GRIN2A: variants seen among roughly 807,000 people sequenced by gnomAD.
GRIN2A encodes glutamate receptor ionotropic, NMDA 2A.
In GRIN2A, 22 loss-of-function variants were observed where a neutral mutation model predicts 113.4. That is an observed-to-expected ratio of 0.19 (90% CI 0.14 to 0.28). The LOEUF is 0.28. GRIN2A is among the 10% of genes least tolerant of loss of function. The pLI is 1.00. For synonymous variants in GRIN2A, 827 were observed against 738.4 expected (o/e 1.12, Z -1.94); for missense variants, 1,502 against 1,887.0 (o/e 0.80, Z 3.78).
chr16:9,957,773 T>A lies in GRIN2A; in HGVS notation c.415-19222A>T, dbSNP rs111606282. Among the ~76,000 whole-genome samples, 1,336 of 152,226 alleles carry A rather than the reference T, an allele frequency of 8.8e-3. 30 individuals are homozygous for A. The highest frequency in any genetic ancestry group is 0.031 in the African/African-American group (1,281 of 41,550). ...TGCCCCTCGATGACTCTGAAGGGCT[T>A]GGTTTCTCGCATTTCCTGGACCTCT... On this transcript the variant is annotated intron_variant, in intron 2 of 12. Coordinates refer to ENST00000330684, the MANE Select transcript of GRIN2A (RefSeq NM_001134407.3).
chr16:9,883,472 G>A (rs1267663495), intron 4 of GRIN2A, among the ~76,000 whole-genome samples: 1 of 152,188 alleles, frequency 6.6e-6, no homozygotes, highest in Non-Finnish European at 1.5e-5. Context: ...AAGTGGAAAA[G>A]GGCAGACCCA....
intron 2 of GRIN2A, chr16:10,027,483 C>T (rs1165422651): frequency 6.6e-6 from 1 of 152,254 alleles, no homozygotes; most frequent in African/African-American, 2.4e-5. Flanking sequence ...CATTTACTAG[C>T]TGAGTGAGGT....
intron 10 of GRIN2A, among the ~76,000 whole-genome samples, chr16:9,812,016 T>C (rs1220016998): frequency 6.6e-6 from 1 of 152,210 alleles, no homozygotes; most frequent in Non-Finnish European, 1.5e-5. Flanking sequence ...AAAGGAGAAC[T>C]TTTGAAGTAA....
At chr16:9,769,976 A>C (rs1901162853) in intron 11 of GRIN2A, among the ~76,000 whole-genome samples, 1 of 152,170 alleles carries the variant, frequency 6.6e-6, no homozygotes, top group African/African-American at 2.4e-5. Flanking sequence ...AAACTAAACT[A>C]TACCCACCCC....
At chr16:9,926,260 G>A (rs568760358) in intron 3 of GRIN2A, among the ~76,000 whole-genome samples, 5 of 152,262 alleles carry the variant, frequency 3.3e-5, no homozygotes, top group South Asian at 2.1e-4. Flanking sequence ...TCACTTAGTC[G>A]CAGATGACTA....
At chr16:10,151,874 C>T (rs1596556930) in intron 2 of GRIN2A, among the ~76,000 whole-genome samples, 1 of 152,176 alleles carries the variant, frequency 6.6e-6, no homozygotes, top group South Asian at 2.1e-4. Flanking sequence ...TGACCTCCGA[C>T]CCTCCTCATC....
chr16:10,147,022 C>T (rs926348708), intron 2 of GRIN2A, among the ~76,000 whole-genome samples: 2 of 152,216 alleles, frequency 1.3e-5, no homozygotes, highest in Non-Finnish European at 2.9e-5. Context: ...CCTTGCTTTT[C>T]CCTCAGGCCA....
chr16:10,035,596 G>A (rs1026898218), intron 2 of GRIN2A, among the ~76,000 whole-genome samples: 5 of 152,130 alleles, frequency 3.3e-5, no homozygotes, highest in African/African-American at 1.2e-4. Context: ...GAGTGTGCAT[G>A]GGCATCACCC....
rs538584648 is a variant in GRIN2A at position 9,937,912 on chromosome 16, C to G, written c.1007+47G>C. On this transcript the variant is annotated intron_variant, in intron 3 of 12. Transcript: ENST00000330684. ...TATGTAAGCAAGCAAACAATGACAA[C>G]AGCAAAACTCTGATCCCACTTTGGG... is the stretch of plus-strand genomic sequence containing the variant. The G allele has an allele frequency of 3.0e-6, 4 of 1,347,002 alleles. No individual in the cohort carries two copies. In the African/African-American group the frequency reaches 4.3e-5, roughly 14 times the overall value. The allele number at this position is 1,347,002 out of a possible 1,614,324, so 83.4% of individuals were successfully genotyped here.
At chr16:9,979,675 C>T (rs2045849128) in intron 2 of GRIN2A, among the ~76,000 whole-genome samples, 1 of 151,908 alleles carries the variant, frequency 6.6e-6, no homozygotes, top group Non-Finnish European at 1.5e-5. Flanking sequence ...TATCCTCATT[C>T]TCTAGTACAA....
At chr16:9,877,106 T>A (rs2043383397) in intron 4 of GRIN2A, among the ~76,000 whole-genome samples, 1 of 152,148 alleles carries the variant, frequency 6.6e-6, no homozygotes, top group Non-Finnish European at 1.5e-5. Flanking sequence ...AGACCTAAAT[T>A]TGAATCCTTT....
rs1447243855 is a variant in GRIN2A at position 10,180,220 on chromosome 16, G to A, written c.192C>T (p.Pro64=). 6.2e-7 allele frequency: 1 copy of A among 1,614,112 alleles called. No homozygotes were observed. The highest frequency in any genetic ancestry group is 8.5e-7 in the Non-Finnish European group (1 of 1,180,034). Residue 64 remains proline, a synonymous_variant, in exon 2 of 13, where the codon CCC becomes CCT. Transcript: ENST00000330684. The surrounding 1 kb of genome is among the most constrained non-coding windows in gnomAD (Gnocchi z 7.0). ...GCAGAGCTACCACGTTCACGTCCAG[G>A]GGCAGCCCCGCCGCCTGCTCGGGGC... The part of the protein sequence containing the change: ...LWGPEQAAGL[P]LDVNVVALLM...
intron 4 of GRIN2A, among the ~76,000 whole-genome samples, chr16:9,876,968 C>T (rs1051768495): frequency 6.6e-6 from 1 of 152,100 alleles, no homozygotes; most frequent in Non-Finnish European, 1.5e-5. Flanking sequence ...GTCATACCCC[C>T]AACTTCCACT....
intron 11 of GRIN2A, among the ~76,000 whole-genome samples, chr16:9,774,847 G>T (rs890375384): frequency 6.6e-6 from 1 of 152,154 alleles, no homozygotes; most frequent in Non-Finnish European, 1.5e-5. Flanking sequence ...AGGGAAGCTG[G>T]GGGGTGGGAT....
intron 2 of GRIN2A, among the ~76,000 whole-genome samples, chr16:10,104,862 G>C (rs1385710350): frequency 6.6e-6 from 1 of 152,182 alleles, no homozygotes; most frequent in Non-Finnish European, 1.5e-5. Context: ...TGTGAGCGCA[G>C]AGTGTAGGAG....
At chr16:9,996,152 TA>T (rs1178278454) in intron 2 of GRIN2A, among the ~76,000 whole-genome samples, 3 of 145,024 alleles carry the variant, frequency 2.1e-5, no homozygotes, top group African/African-American at 7.7e-5. Flanking sequence ...AATAAAATAA[TA>T]AAAGAATGGG....
At chr16:10,022,899 A>G (rs558114870) in intron 2 of GRIN2A, among the ~76,000 whole-genome samples, 1 of 152,314 alleles carries the variant, frequency 6.6e-6, no homozygotes, top group South Asian at 2.1e-4. Flanking sequence ...GCACCACTAG[A>G]AAGTACTACA....
At chr16:9,889,157 T>A (rs1174853568) in intron 4 of GRIN2A, among the ~76,000 whole-genome samples, 1 of 152,192 alleles carries the variant, frequency 6.6e-6, no homozygotes. Flanking sequence ...ATATGAGCTA[T>A]TCAGATCGTC....
At chr16:9,803,174 G>T (rs868106929) in intron 10 of GRIN2A, among the ~76,000 whole-genome samples, 1 of 152,200 alleles carries the variant, frequency 6.6e-6, no homozygotes, top group Non-Finnish European at 1.5e-5. Context: ...GGAGGCCGAG[G>T]TGGGCGGATC....
Sources: gnomAD v4.1 joint callset for allele counts (sites outside exome capture counted in the v4.1 genomes callset) on GRCh38, gnomAD v4.1.1 for gene constraint, Gnocchi (gnomAD v3.1) non-coding constraint, MANE v1.5 for transcripts, NCBI Gene and HGNC (gene_info 2026-07-23, HGNC 2026-07-21) for gene names.